SPMIP3: variants seen among roughly 807,000 people sequenced by gnomAD.
SPMIP3 encodes protein SPMIP3.
At chr1:244,376,496 G>C in the SPMIP3 span, 1 of 152,150 alleles carries the variant, frequency 6.6e-6, no homozygotes, top group Non-Finnish European at 1.5e-5. Flanking sequence ...AAACGTTTAT[G>C]AGAACATTTA....
the SPMIP3 span, among the ~76,000 whole-genome samples, chr1:244,361,106 G>A: frequency 6.6e-6 from 1 of 152,090 alleles, no homozygotes; most frequent in Non-Finnish European, 1.5e-5. Context: ...GGGGAGTGGG[G>A]AAGAGGGAAT....
At chr1:244,384,984 C>A in the SPMIP3 span, among the ~76,000 whole-genome samples, 42 of 152,206 alleles carry the variant, frequency 2.8e-4, no homozygotes, top group Non-Finnish European at 2.9e-4. Context: ...TCACCACAAC[C>A]TCCACCTCCC....
chr1:244,375,265 G>A, the SPMIP3 span: 1 of 840,278 alleles, frequency 1.2e-6, no homozygotes, highest in Non-Finnish European at 1.9e-6. Flanking sequence ...GCCAGAAACT[G>A]GGGACAAAGA....
the SPMIP3 span, among the ~76,000 whole-genome samples, chr1:244,367,949 T>G: frequency 6.6e-6 from 1 of 151,920 alleles, no homozygotes; most frequent in Non-Finnish European, 1.5e-5. Flanking sequence ...TTTGGTTTTT[T>G]GTTTTGTTTT....
chr1:244,387,078 G>A, the SPMIP3 span, among the ~76,000 whole-genome samples: 5 of 152,310 alleles, frequency 3.3e-5, no homozygotes, highest in Non-Finnish European at 7.3e-5. Flanking sequence ...CAAGGTGGGC[G>A]GATCACTTGG....
chr1:244,388,639 C>T, the SPMIP3 span, among the ~76,000 whole-genome samples: 2 of 152,084 alleles, frequency 1.3e-5, no homozygotes, highest in East Asian at 1.9e-4. Flanking sequence ...CAATTTGATA[C>T]AAAATAATGC....
the SPMIP3 span, among the ~76,000 whole-genome samples, chr1:244,353,849 G>A: frequency 6.6e-4 from 101 of 152,188 alleles, no homozygotes; most frequent in African/African-American, 2.3e-3. Flanking sequence ...TCATTGCTGC[G>A]AGCCCTCTTC....
At chr1:244,361,293 G>T in the SPMIP3 span, among the ~76,000 whole-genome samples, 1 of 137,898 alleles carries the variant, frequency 7.3e-6, no homozygotes, top group African/African-American at 2.7e-5. Context: ...GCTGTGGCTC[G>T]ATCTCGGCTC....
chr1:244,361,097 G>C, the SPMIP3 span, among the ~76,000 whole-genome samples: 6 of 152,224 alleles, frequency 3.9e-5, no homozygotes, highest in East Asian at 9.6e-4. Context: ...GGCTGGGAAG[G>C]GGAGTGGGGA....
chr1:244,376,391 TC>T, the SPMIP3 span: 1 of 152,254 alleles, frequency 6.6e-6, no homozygotes, highest in Non-Finnish European at 1.5e-5. Flanking sequence ...GGCTACTCAC[TC>T]GTTTAGATTT....
the SPMIP3 span, among the ~76,000 whole-genome samples, chr1:244,386,872 G>A: frequency 2.6e-5 from 4 of 152,224 alleles, no homozygotes; most frequent in African/African-American, 4.8e-5. Context: ...TGTGTCAGAT[G>A]TGGACTGCAC....
the SPMIP3 span, among the ~76,000 whole-genome samples, chr1:244,363,223 T>C: frequency 6.6e-6 from 1 of 151,958 alleles, no homozygotes; most frequent in African/African-American, 2.4e-5. Context: ...CTGGCCAACA[T>C]GGTGTGAAAC....
At chr1:244,359,584 G>A in the SPMIP3 span, among the ~76,000 whole-genome samples, 5 of 152,138 alleles carry the variant, frequency 3.3e-5, no homozygotes, top group East Asian at 3.9e-4. Context: ...TTAGCTGGGT[G>A]TGGTGGCGGG....
the SPMIP3 span, among the ~76,000 whole-genome samples, chr1:244,379,580 T>A: frequency 1.0e-3 from 159 of 152,330 alleles, no homozygotes; most frequent in African/African-American, 3.7e-3. Flanking sequence ...AGGGAACTTT[T>A]CTTATTCCCG....
the SPMIP3 span, among the ~76,000 whole-genome samples, chr1:244,370,578 G>A: frequency 6.6e-6 from 1 of 152,196 alleles, no homozygotes; most frequent in African/African-American, 2.4e-5. Flanking sequence ...AGCAGAGCTT[G>A]CAGTGAGTGC....
the SPMIP3 span, chr1:244,388,956 A>G: frequency 3.0e-5 from 49 of 1,612,706 alleles, no homozygotes; most frequent in Non-Finnish European, 6.8e-6. Context: ...TCCAGATTGG[A>G]ACCAGAAATT....
At chr1:244,371,209 A>G in the SPMIP3 span, among the ~76,000 whole-genome samples, 1 of 152,216 alleles carries the variant, frequency 6.6e-6, no homozygotes, top group Admixed American at 6.5e-5. Context: ...CAGGGACTCA[A>G]AATCACGCAC....
At chr1:244,352,675 T>C in the SPMIP3 span, 1 of 152,222 alleles carries the variant, frequency 6.6e-6, no homozygotes, top group African/African-American at 2.4e-5. Flanking sequence ...GCTGTACCCA[T>C]CACTGTCCTC....
the SPMIP3 span, among the ~76,000 whole-genome samples, chr1:244,387,697 T>G: frequency 2.6e-4 from 39 of 152,116 alleles, no homozygotes; most frequent in East Asian, 6.6e-3. Flanking sequence ...TGTGTGGAGG[T>G]TGGATTACAG....
Sources: gnomAD v4.1 joint callset for allele counts (sites outside exome capture counted in the v4.1 genomes callset) on GRCh38, gnomAD v4.1.1 for gene constraint, MANE v1.5 for transcripts, NCBI Gene and HGNC (gene_info 2026-07-23, HGNC 2026-07-21) for gene names.